The following GABRB1 variants were observed in gnomAD, a reference collection of about 807,000 sequenced individuals.
The protein encoded by GABRB1 is gamma-aminobutyric acid receptor subunit beta-1.
GABRB1 carries 17 observed loss-of-function variants against 51.6 expected under a neutral mutation model. The observed-to-expected ratio is 0.33, with a 90% confidence interval of 0.23 to 0.49. GABRB1 has a LOEUF of 0.49. GABRB1 is among the 20% of genes least tolerant of loss of function. The pLI, the probability that GABRB1 is intolerant of heterozygous loss-of-function variation, is 0.99. For synonymous variants in GABRB1, 247 were observed against 218.9 expected, an observed-to-expected ratio of 1.13 and a Z score of -1.14; for missense variants, 410 against 600.6, an observed-to-expected ratio of 0.68 and a Z score of 3.32.
chr4:47,360,547 A>C (rs551199513), intron 5 of GABRB1, among the ~76,000 whole-genome samples: 1 of 152,244 alleles, frequency 6.6e-6, no homozygotes, highest in Non-Finnish European at 1.5e-5. Flanking sequence ...AAAAGTGCAG[A>C]TAAAACCTTG....
At chr4:47,126,021 C>CAT (rs1339035959) in intron 3 of GABRB1, among the ~76,000 whole-genome samples, 1 of 151,002 alleles carries the variant, frequency 6.6e-6, no homozygotes, top group Non-Finnish European at 1.5e-5. Flanking sequence ...TGTATACATA[C>CAT]ATATATACAC....
intron 3 of GABRB1, among the ~76,000 whole-genome samples, chr4:47,091,816 C>T (rs1009798570): frequency 1.3e-5 from 2 of 152,202 alleles, no homozygotes; most frequent in Non-Finnish European, 2.9e-5. Flanking sequence ...GCACTCCACG[C>T]CTCTGCCCTG....
chr4:47,178,369 T>C (rs1255198397), intron 4 of GABRB1, among the ~76,000 whole-genome samples: 1 of 152,122 alleles, frequency 6.6e-6, no homozygotes, highest in East Asian at 1.9e-4. Flanking sequence ...ATGGTCCTTA[T>C]AGAATCCTTT....
At chr4:47,411,565 T>A (rs1311699361) in intron 8 of GABRB1, among the ~76,000 whole-genome samples, 1 of 152,180 alleles carries the variant, frequency 6.6e-6, no homozygotes, top group Admixed American at 6.5e-5. Flanking sequence ...ATTGCAGTAA[T>A]GGAATAGTTC....
Position 47,342,808 on chromosome 4 carries a change from G to T in GABRB1, c.544+22599G>T, listed in dbSNP as rs569586963. On this transcript the variant is annotated intron_variant, in intron 5 of 8. Transcript: ENST00000295454. ...AGATCCAAAATGATGTCACTAAGGGGTCCAACAACCTTGTGGTCTGGCTTG... is the reference window on the plus strand; with the variant it reads ...AGATCCAAAATGATGTCACTAAGGGTTCCAACAACCTTGTGGTCTGGCTTG... Among the ~76,000 whole-genome samples, 7 of 152,138 alleles carry T rather than the reference G, an allele frequency of 4.6e-5. No individual in the cohort carries two copies. The South Asian group carries it at 1.5e-3, about 32-fold the overall frequency.
chr4:47,139,459 T>C (rs574213193), intron 3 of GABRB1, among the ~76,000 whole-genome samples: 1 of 152,172 alleles, frequency 6.6e-6, no homozygotes, highest in African/African-American at 2.4e-5. Flanking sequence ...CATTTGGTAC[T>C]GACATTTTGA....
At chr4:47,121,767 T>C (rs1487402215) in intron 3 of GABRB1, among the ~76,000 whole-genome samples, 1 of 152,208 alleles carries the variant, frequency 6.6e-6, no homozygotes, top group African/African-American at 2.4e-5. Flanking sequence ...TTTATGCAAA[T>C]TAAAGACAAC....
chr4:47,326,516 A>G (rs1051366751), intron 5 of GABRB1, among the ~76,000 whole-genome samples: 2 of 152,198 alleles, frequency 1.3e-5, no homozygotes, highest in Non-Finnish European at 2.9e-5. Flanking sequence ...TTTATCATAA[A>G]TATGTACATA....
At chr4:47,231,492 T>C (rs1467585763) in intron 4 of GABRB1, among the ~76,000 whole-genome samples, 4 of 152,204 alleles carry the variant, frequency 2.6e-5, no homozygotes, top group Admixed American at 2.6e-4. Flanking sequence ...GATAAATCAC[T>C]TCCTTGTGGC....
rs766935051 is a variant in GABRB1, at chr4:47,032,384, A to G, written c.173-33A>G. 26 of 1,552,914 alleles carry G rather than the reference A, an allele frequency of 1.7e-5. No individual in the cohort carries two copies. The African/African-American group carries it at 2.4e-4, about 15-fold the overall frequency. On this transcript the variant is annotated intron_variant, in intron 2 of 8. Transcript: ENST00000295454. ...TCCCCAGCCTGCTGTCACTGAGAGA[A>G]TCTGTTCCTAATGTGGCCCACCTCC...
In GABRB1 at chr4:47,394,732, TA is replaced by T. The variant is rs1173636508; in HGVS notation, c.545-8575del. ...TTTGCTGAGGCATTTTTCATCACAT[TA>T]AAAAAAAAAAGTCCATGGGAGAAAT... is the stretch of plus-strand genomic sequence containing the variant. On this transcript the variant is annotated intron_variant, in intron 5 of 8. Transcript: ENST00000295454. 5.8e-3 allele frequency among the ~76,000 whole-genome samples: 840 copies of T among 146,080 alleles called. 7 individuals carry two copies. Among genetic ancestry groups the T allele is most frequent in the African/African-American group, 0.018 (732 of 40,126 alleles).
At chr4:47,325,493 C>A (rs1452841459) in intron 5 of GABRB1, among the ~76,000 whole-genome samples, 1 of 151,828 alleles carries the variant, frequency 6.6e-6, no homozygotes, top group Non-Finnish European at 1.5e-5. Context: ...CACTTCTTAA[C>A]TTGATCTTCA....
Position 47,313,049 on chromosome 4 carries a change from T to C in GABRB1, c.462-7078T>C, listed in dbSNP as rs116191860. ...TAAATGAATACTACAGTGACATGATTTCTGTTCATTCCAAAGTATCATGAG... is the reference window on the plus strand; with the variant it reads ...TAAATGAATACTACAGTGACATGATCTCTGTTCATTCCAAAGTATCATGAG... On this transcript the variant is annotated intron_variant, in intron 4 of 8. Transcript: ENST00000295454. Among the ~76,000 whole-genome samples the C allele has an allele frequency of 2.7e-3, 407 of 152,314 alleles. 2 individuals are homozygous for C. The highest frequency in any genetic ancestry group is 9.5e-3 in the African/African-American group (393 of 41,574).
chr4:47,025,878 TCCG>T, intron 1 of GABRB1, among the ~76,000 whole-genome samples: 1 of 151,962 alleles, frequency 6.6e-6, no homozygotes, highest in Non-Finnish European at 1.5e-5. Context: ...CTTTACTACT[TCCG>T]TTTTTTTTGT....
At chr4:47,106,020 A>C (rs753154032) in intron 3 of GABRB1, among the ~76,000 whole-genome samples, 3 of 152,102 alleles carry the variant, frequency 2.0e-5, no homozygotes, top group Non-Finnish European at 2.9e-5. Context: ...CTTTTCCTTA[A>C]ATTTTAAATT....
intron 5 of GABRB1, among the ~76,000 whole-genome samples, chr4:47,346,956 T>C (rs879455754): frequency 5.9e-5 from 9 of 152,208 alleles, no homozygotes; most frequent in Non-Finnish European, 8.8e-5. Context: ...ACAACTGTTC[T>C]GCTCAACCTC....
intron 3 of GABRB1, among the ~76,000 whole-genome samples, chr4:47,140,655 C>T (rs1716895200): frequency 6.6e-6 from 1 of 151,822 alleles, no homozygotes; most frequent in Non-Finnish European, 1.5e-5. Flanking sequence ...ACTTTTTTTC[C>T]TAACTCCCAC....
intron 4 of GABRB1, among the ~76,000 whole-genome samples, chr4:47,236,016 T>A (rs1721319740): frequency 6.6e-6 from 1 of 152,074 alleles, no homozygotes; most frequent in African/African-American, 2.4e-5. Context: ...CTTATAATGC[T>A]TTTTTTAAAC....
rs192980847 is a variant in GABRB1, at chr4:47,128,451, A to G, written c.241-32798A>G. 5.9e-3 allele frequency among the ~76,000 whole-genome samples: 897 copies of G among 152,058 alleles called. 5 individuals carry two copies. Among genetic ancestry groups the G allele is most frequent in the African/African-American group, 0.02 (841 of 41,550 alleles). ...TCTATTAGACTAATCAAATAAGAGG[A>G]TAAGATACAAATTATTAATATCACA... is the stretch of plus-strand genomic sequence containing the variant. On this transcript the variant is annotated intron_variant, in intron 3 of 8. Transcript: ENST00000295454.
Sources: gnomAD v4.1 joint callset for allele counts (sites outside exome capture counted in the v4.1 genomes callset) on GRCh38, gnomAD v4.1.1 for gene constraint, MANE v1.5 for transcripts, NCBI Gene and HGNC (gene_info 2026-07-23, HGNC 2026-07-21) for gene names.